Variants in SCN11A observed in about 807,000 individuals in gnomAD.
SCN11A encodes the protein sodium voltage-gated channel alpha subunit 11, also known as sodium channel protein type 11 subunit alpha.
Under a neutral mutation model 162.2 loss-of-function variants are expected in SCN11A, and 122 were observed. That is an observed-to-expected ratio of 0.75 (90% confidence interval 0.65 to 0.87). The LOEUF (loss-of-function observed/expected upper bound fraction) is 0.87, where lower values mean the gene tolerates loss of function less well. Ranked by LOEUF, SCN11A falls within the 40% of genes least tolerant of loss-of-function variation. The pLI is 0.00. For missense variants in SCN11A, 2,015 were observed against 2,181.6 expected, an observed-to-expected ratio of 0.92 and a Z score of 1.52; for synonymous variants, 758 against 751.5, an observed-to-expected ratio of 1.01 and a Z score of -0.14.
At chr3:38,881,508 G>T (rs1396105242) in intron 22 of SCN11A, among the ~76,000 whole-genome samples, 2 of 152,292 alleles carry the variant, frequency 1.3e-5, no homozygotes, top group East Asian at 3.9e-4. Flanking sequence ...AGCTTCAGAG[G>T]CTTCCACATT....
At chr3:39,017,490 T>A (rs1178770113) in intron 2 of SCN11A, among the ~76,000 whole-genome samples, 2 of 152,258 alleles carry the variant, frequency 1.3e-5, no homozygotes, top group African/African-American at 4.8e-5. Flanking sequence ...AGTTTTATGA[T>A]GTGCCTTAGA....
At chr3:38,920,124 G>T in intron 10 of SCN11A, 123 bp from the exon 11 acceptor site, 2 of 730,308 alleles carry the variant, frequency 2.7e-6, no homozygotes, top group South Asian at 1.8e-5. Context: ...GATTAAAGGA[G>T]GTGTGTCCAG....
chr3:39,030,544 G>GT (rs2031721315), intron 2 of SCN11A, among the ~76,000 whole-genome samples: 1 of 152,186 alleles, frequency 6.6e-6, no homozygotes, highest in Non-Finnish European at 1.5e-5. Flanking sequence ...AATCTTAACA[G>GT]TAACTGAAGT....
chr3:38,982,485 A>G (rs1199752525), intron 2 of SCN11A, among the ~76,000 whole-genome samples: 1 of 152,150 alleles, frequency 6.6e-6, no homozygotes, highest in Non-Finnish European at 1.5e-5. Context: ...AAGGTCTGAG[A>G]TTATGTAATA....
chr3:38,928,321 A>G lies in SCN11A; in HGVS notation c.489-1390T>C, dbSNP rs1473854404. Reference sequence around the variant, plus strand: ...TCTCACTCTAAGTGTGAGTTGAACAATAAGAACACATGGACACAGGGAGGG... The same window carrying G: ...TCTCACTCTAAGTGTGAGTTGAACAGTAAGAACACATGGACACAGGGAGGG... On this transcript the variant is annotated intron_variant, in intron 7 of 29. Coordinates refer to ENST00000302328, the MANE Select transcript of SCN11A (RefSeq NM_001349253.2). Among the ~76,000 whole-genome samples, 3 of 152,288 alleles carry G rather than the reference A, an allele frequency of 2.0e-5. No individual in the cohort carries two copies. The South Asian group carries it at 6.2e-4, about 32-fold the overall frequency.
chr3:39,039,877 G>C (rs1468766607), intron 1 of SCN11A, among the ~76,000 whole-genome samples: 1 of 152,154 alleles, frequency 6.6e-6, no homozygotes, highest in Admixed American at 6.5e-5. Context: ...TGCCCACTTA[G>C]CACCCACTGC....
At chr3:38,925,032 T>C (rs2125552228) in intron 9 of SCN11A, among the ~76,000 whole-genome samples, 1 of 152,156 alleles carries the variant, frequency 6.6e-6, no homozygotes, top group Admixed American at 6.5e-5. Context: ...AACTGCAACC[T>C]CCTTCCCCTG....
intron 19 of SCN11A, among the ~76,000 whole-genome samples, chr3:38,888,504 A>G (rs1402986802): frequency 6.6e-6 from 1 of 152,234 alleles, no homozygotes; most frequent in Non-Finnish European, 1.5e-5. Flanking sequence ...TAGGAGGTGA[A>G]TTCACTTGAG....
chr3:38,967,597 A>T (rs1328572312), intron 2 of SCN11A, among the ~76,000 whole-genome samples: 2 of 152,228 alleles, frequency 1.3e-5, no homozygotes, highest in Non-Finnish European at 2.9e-5. Flanking sequence ...GCACTGAGAC[A>T]GAAAAGCCAA....
chr3:38,867,518 C>G, intron 26 of SCN11A, 60 bp from the exon 27 acceptor site: 2 of 1,330,470 alleles, frequency 1.5e-6, no homozygotes, highest in Non-Finnish European at 2.1e-6. Context: ...TATAAGCATT[C>G]TAACTACCTT....
chr3:39,022,239 A>C (rs532641822), intron 2 of SCN11A, among the ~76,000 whole-genome samples: 1 of 152,318 alleles, frequency 6.6e-6, no homozygotes, highest in African/African-American at 2.4e-5. Flanking sequence ...CGTGAAGCTC[A>C]ATTGTGCATG....
At position 38,847,156 on chromosome 3, in the gene SCN11A, T is replaced by C; in HGVS notation, c.4914A>G (p.Thr1638=). 1 of 1,614,202 alleles carries C rather than the reference T, an allele frequency of 6.2e-7. No homozygotes were observed. Among genetic ancestry groups the C allele is most frequent in the African/African-American group, 1.3e-5 (1 of 75,040 alleles). Residue 1638 remains threonine, a synonymous_variant, in exon 30 of 30, where the codon ACA becomes ACG. Transcript: ENST00000302328. ...AAAGGGCAGAATATTTGATAAATTG[T>C]GTTGCTTCTGGGTCAAACTTTTCCC... ...EVWEKFDPEA[T]QFIKYSALSD... is the part of the protein sequence containing the mutation.
chr3:38,907,979 C>T lies in SCN11A; in HGVS notation c.1443G>A (p.Gly481=), dbSNP rs368999659. 1 of 1,608,982 alleles carries T rather than the reference C, an allele frequency of 6.2e-7. No individual in the cohort carries two copies. The highest frequency in any genetic ancestry group is 1.3e-5 in the African/African-American group (1 of 74,472). Residue 481 remains glycine (G), a synonymous_variant, in exon 14 of 30, where the codon GGG becomes GGA. Coordinates refer to ENST00000302328, the MANE Select transcript of SCN11A (RefSeq NM_001349253.2). ...LRESGKDQPP[G]SDSDEDCQKK... ...TTTGGCAATCTTCATCAGAATCTGA[C>T]CCAGGAGGCTGGTCTTTCCCAGACT...
chr3:38,876,989 T>C (rs2126100728), intron 23 of SCN11A, among the ~76,000 whole-genome samples: 1 of 149,250 alleles, frequency 6.7e-6, no homozygotes, highest in Middle Eastern at 3.5e-3. Flanking sequence ...GAAAATGTGA[T>C]ATATATATAG....
chr3:38,946,386 A>G (rs73828724), intron 6 of SCN11A, among the ~76,000 whole-genome samples: 2,426 of 152,326 alleles, frequency 0.016, 68 homozygotes, highest in African/African-American at 0.056. Context: ...AAAGTTTTAA[A>G]TACTGTGTAG....
chr3:38,964,363 G>A (rs533302977), intron 2 of SCN11A, among the ~76,000 whole-genome samples: 16 of 152,276 alleles, frequency 1.1e-4, no homozygotes, highest in Non-Finnish European at 2.1e-4. Flanking sequence ...AGATGACATT[G>A]AGCCGCCTCT....
At chr3:39,002,602 T>C (rs1331958347) in intron 2 of SCN11A, among the ~76,000 whole-genome samples, 2 of 152,220 alleles carry the variant, frequency 1.3e-5, no homozygotes, top group Non-Finnish European at 2.9e-5. Flanking sequence ...AGGAGACAGA[T>C]GTAGTACAAT....
intron 2 of SCN11A, among the ~76,000 whole-genome samples, chr3:39,025,150 A>C (rs1357581949): frequency 2.0e-5 from 3 of 152,084 alleles, no homozygotes; most frequent in Non-Finnish European, 4.4e-5. Flanking sequence ...GGGGAAGAGC[A>C]ATTCTTGTTC....
chr3:38,996,825 G>T (rs145598900), intron 2 of SCN11A, among the ~76,000 whole-genome samples: 2,131 of 152,214 alleles, frequency 0.014, 18 homozygotes, highest in Non-Finnish European at 0.018. Context: ...CTGTAGTCCT[G>T]GCTACCAAGA....
Sources: allele counts gnomAD v4.1 joint callset (sites outside exome capture counted in the v4.1 genomes callset), GRCh38; gene constraint gnomAD v4.1.1; transcripts MANE v1.5; gene names NCBI Gene and HGNC (gene_info 2026-07-23, HGNC 2026-07-21).